Variants in AHI1 observed in about 807,000 individuals in gnomAD.
AHI1 encodes Abelson helper integration site 1.
A neutral mutation model predicts 149.3 loss-of-function variants in AHI1; 123 were observed. The observed-to-expected ratio is 0.82, with a 90% CI of 0.71 to 0.96. The LOEUF (loss-of-function observed/expected upper bound fraction) is 0.96, where lower values mean the gene tolerates loss of function less well. AHI1 is among the 40% of genes least tolerant of loss of function. The pLI is 0.00. For missense variants in AHI1, 1,439 were observed against 1,422.7 expected, an observed-to-expected ratio of 1.01 and a Z score of -0.18; for synonymous variants, 475 against 459.8, an observed-to-expected ratio of 1.03 and a Z score of -0.42.
chr6:135,367,258 G>T (rs564102919), intron 23 of AHI1, among the ~76,000 whole-genome samples: 8 of 152,186 alleles, frequency 5.3e-5, no homozygotes, highest in Non-Finnish European at 1.0e-4. Context: ...TTCCTTTATA[G>T]GTTACCTGAT....
At chr6:135,358,064 G>T in intron 24 of AHI1, 68 bp downstream of exon 24, 1 of 1,418,938 alleles carries the variant, frequency 7.0e-7, no homozygotes, top group Non-Finnish European at 9.8e-7. Context: ...CAATGGCACT[G>T]TAACTATAAC....
Position 135,448,387 on chromosome 6 carries a change from C to A in AHI1, c.1529G>T (p.Ser510Ile). Residue 510 changes from serine (S) to isoleucine (I), a missense_variant, in exon 12 of 29, where the codon AGT becomes ATT. Coordinates refer to ENST00000265602, the MANE Select transcript of AHI1 (RefSeq NM_001134831.2). Reference sequence around the variant, plus strand: ...CCACCATTCAAATGCCTCAACAACACTTAATGGGGATCGAGGCTTAGTAGG... The same window carrying A: ...CCACCATTCAAATGCCTCAACAACAATTAATGGGGATCGAGGCTTAGTAGG... ...YPPTKPRSPL[S>I]VVEAFEWWSK... The A allele has an allele frequency of 6.2e-7, 1 of 1,609,196 alleles. No homozygotes were observed. Among genetic ancestry groups the A allele is most frequent in the Middle Eastern group, 1.7e-4 (1 of 6,052 alleles).
intron 18 of AHI1, 118 bp downstream of exon 18, chr6:135,429,764 T>C (rs549768311): frequency 1.8e-6 from 1 of 552,086 alleles, no homozygotes; most frequent in Admixed American, 3.6e-5. Context: ...TGCCAGATGT[T>C]CCTTGGTGAG....
intron 13 of AHI1, among the ~76,000 whole-genome samples, chr6:135,443,809 C>T (rs1442041560): frequency 6.6e-6 from 1 of 152,160 alleles, no homozygotes; most frequent in African/African-American, 2.4e-5. Context: ...AGACTCCATG[C>T]TACCCATCTT....
intron 27 of AHI1, among the ~76,000 whole-genome samples, chr6:135,298,706 A>AT (rs1783473167): frequency 2.0e-5 from 3 of 152,166 alleles, no homozygotes; most frequent in Admixed American, 1.3e-4. Flanking sequence ...TCTCATGAAA[A>AT]TTTTTATTTT....
chr6:135,429,413 A>G (rs1447756746), intron 18 of AHI1, among the ~76,000 whole-genome samples: 1 of 151,622 alleles, frequency 6.6e-6, no homozygotes, highest in Admixed American at 6.6e-5. Context: ...CAGGAAGGAT[A>G]TTTCCCTACA....
intron 27 of AHI1, among the ~76,000 whole-genome samples, chr6:135,297,878 C>T (rs1783334701): frequency 6.6e-6 from 1 of 152,038 alleles, no homozygotes; most frequent in African/African-American, 2.4e-5. Flanking sequence ...TGACAGGATG[C>T]TTGGAATTGA....
rs142511825 is a variant in AHI1 at position 135,385,896 on chromosome 6, T to C, written c.3109+8880A>G. ...CAGTGTCTTTAAATTCTTTCTTAAC[T>C]TACCCCAGACACATAAGTCTGAGGC... On this transcript the variant is annotated intron_variant, in intron 23 of 28. Coordinates refer to ENST00000265602, the MANE Select transcript of AHI1 (RefSeq NM_001134831.2). Among the ~76,000 whole-genome samples the C allele has an allele frequency of 3.6e-3, 550 of 152,328 alleles. 7 individuals are homozygous for C. The highest frequency in any genetic ancestry group is 1.3e-3 in the Non-Finnish European group (89 of 68,016).
intron 21 of AHI1, among the ~76,000 whole-genome samples, chr6:135,406,217 T>C (rs1434959694): frequency 5.3e-5 from 8 of 152,240 alleles, no homozygotes; most frequent in Non-Finnish European, 1.0e-4. Flanking sequence ...AGTTTTTAGA[T>C]CCAGAAATTT....
chr6:135,375,099 T>C (rs1211287905), intron 23 of AHI1, among the ~76,000 whole-genome samples: 1 of 152,222 alleles, frequency 6.6e-6, no homozygotes, highest in Non-Finnish European at 1.5e-5. Context: ...TATAACTCTA[T>C]TGTAAGTCGA....
chr6:135,300,733 G>A, intron 26 of AHI1, 175 bp from the exon 27 acceptor site: 1 of 1,225,130 alleles, frequency 8.2e-7, no homozygotes, highest in Non-Finnish European at 1.0e-6. Flanking sequence ...CAATATATTT[G>A]CTCCCATGAA....
rs148672318 is a variant in AHI1, at chr6:135,388,134, CAGTTAATTTTGT to C, written c.3109+6630_3109+6641del. The C allele has an allele frequency of 2.0e-3, 2,615 of 1,333,328 alleles. 25 individuals carry two copies. The African/African-American group carries it at 0.032, about 16-fold the overall frequency. 82.6% of individuals were successfully genotyped at this position (1,333,328 alleles called of 1,614,324 possible). On this transcript the variant is annotated intron_variant, in intron 23 of 28. Transcript: ENST00000265602. ...TTTAAGGGCATCTGCCTATAGAAAT[CAGTTAATTTTGT>C]AGATTACCTATTAATCTACAATAGT...
In AHI1 at chr6:135,463,295, A is replaced by G. The variant is rs1423849092; in HGVS notation, c.761T>C (p.Ile254Thr). ...TTCACCTTCAACTGTGTCACCAGAGATGGTCAATGTACTACAAATATAATC... is the reference window on the plus strand; with the variant it reads ...TTCACCTTCAACTGTGTCACCAGAGGTGGTCAATGTACTACAAATATAATC... The part of the protein sequence containing the change: ...FSKAETSTLT[I>T]SGDTVEGEQK... Residue 254 changes from isoleucine to threonine, a missense_variant, in exon 8 of 29, where the codon ATC becomes ACC. Coordinates refer to ENST00000265602, the MANE Select transcript of AHI1 (RefSeq NM_001134831.2). 1 of 1,607,002 alleles carries G rather than the reference A, an allele frequency of 6.2e-7. No homozygotes were observed. The highest frequency in any genetic ancestry group is 1.3e-5 in the African/African-American group (1 of 74,506).
intron 20 of AHI1, among the ~76,000 whole-genome samples, chr6:135,414,885 A>G (rs1217291646): frequency 6.6e-6 from 1 of 151,642 alleles, no homozygotes; most frequent in African/African-American, 2.4e-5. Context: ...ACATATGTAT[A>G]CATGTGCCAG....
At chr6:135,399,267 A>T (rs928091787) in intron 22 of AHI1, among the ~76,000 whole-genome samples, 22 of 152,194 alleles carry the variant, frequency 1.4e-4, no homozygotes, top group African/African-American at 5.1e-4. Context: ...GTACAAAAAC[A>T]AAGAGGAAAC....
At chr6:135,440,982 G>C (rs1469165854) in intron 14 of AHI1, among the ~76,000 whole-genome samples, 1 of 151,720 alleles carries the variant, frequency 6.6e-6, no homozygotes, top group Non-Finnish European at 1.5e-5. Context: ...CATCCACATA[G>C]AAACTGAGGA....
chr6:135,467,445 G>T, intron 6 of AHI1, 136 bp downstream of exon 6: 1 of 684,058 alleles, frequency 1.5e-6, no homozygotes, highest in South Asian at 2.0e-5. Flanking sequence ...ATAAAATTCT[G>T]AATGATAAAA....
Position 135,411,645 on chromosome 6 carries a change from A to G in AHI1, c.2765-101T>C, listed in dbSNP as rs997203121. ...CAAATAATCAGAAACTGCATAACAC[A>G]TCTTAAAAACTGGGTAATAATAAGA... is the stretch of plus-strand genomic sequence containing the variant. On this transcript the variant is annotated intron_variant, in intron 20 of 28. Coordinates refer to ENST00000265602, the MANE Select transcript of AHI1 (RefSeq NM_001134831.2). 3 of 943,778 alleles carry G rather than the reference A, an allele frequency of 3.2e-6. No individual in the cohort carries two copies. In the African/African-American group the frequency reaches 5.0e-5, roughly 16 times the overall value. The allele number at this position is 943,778 out of a possible 1,614,324, so 58.5% of individuals were successfully genotyped here. A position where few individuals can be genotyped will look rare whatever the true frequency, so the allele number is the denominator to read the frequency against.
intron 8 of AHI1, 113 bp from the exon 9 acceptor site, chr6:135,457,826 CA>C: frequency 1.0e-6 from 1 of 999,286 alleles, no homozygotes; most frequent in East Asian, 2.4e-5. Flanking sequence ...AAAGGAACTT[CA>C]GGGGGAAAGA....
Sources: gnomAD v4.1 joint callset for allele counts (sites outside exome capture counted in the v4.1 genomes callset) on GRCh38, gnomAD v4.1.1 for gene constraint, MANE v1.5 for transcripts, NCBI Gene and HGNC (gene_info 2026-07-23, HGNC 2026-07-21) for gene names.